The following LINGO2 variants were observed in gnomAD, a reference collection of about 807,000 sequenced individuals.
LINGO2 encodes leucine rich repeat and Ig domain containing 2, also known as leucine-rich repeat and immunoglobulin-like domain-containing nogo receptor-interacting protein 2.
LINGO2 carries 14 observed loss-of-function variants against 30.6 expected under a neutral mutation model. The observed-to-expected ratio is 0.46, with a 90% CI of 0.30 to 0.72. The LOEUF (loss-of-function observed/expected upper bound fraction) is 0.72. Among genes scored for constraint, LINGO2 ranks in the 30% least tolerant of loss-of-function variants. LINGO2 has a pLI of 0.07. For missense variants in LINGO2, 729 were observed against 751.7 expected (o/e 0.97, Z 0.35); for synonymous variants, 317 against 288.5 (o/e 1.10, Z -1.00).
chr9:28,032,537 T>G (rs948440507), intron 4 of LINGO2, among the ~76,000 whole-genome samples: 2 of 152,246 alleles, frequency 1.3e-5, no homozygotes, highest in Non-Finnish European at 2.9e-5. Flanking sequence ...CATCTCTCAG[T>G]GCCTTTGGGC....
the LINGO2 span, among the ~76,000 whole-genome samples, chr9:28,911,204 C>T: frequency 4.7e-4 from 71 of 151,980 alleles, 1 homozygote; most frequent in Middle Eastern, 6.8e-3. Context: ...AAAATGCATA[C>T]GTATTTCACA....
At chr9:28,403,472 T>A (rs973942748) in intron 2 of LINGO2, among the ~76,000 whole-genome samples, 2 of 152,146 alleles carry the variant, frequency 1.3e-5, no homozygotes, top group African/African-American at 4.8e-5. Flanking sequence ...GAAATGGTAA[T>A]GTATATCATT....
At chr9:29,150,641 C>T in the LINGO2 span, among the ~76,000 whole-genome samples, 1 of 152,094 alleles carries the variant, frequency 6.6e-6, no homozygotes, top group Non-Finnish European at 1.5e-5. Context: ...AATATCAACA[C>T]CAGAACAGAC....
chr9:29,194,367 T>C, the LINGO2 span, among the ~76,000 whole-genome samples: 1 of 152,180 alleles, frequency 6.6e-6, no homozygotes, highest in Non-Finnish European at 1.5e-5. Flanking sequence ...CTGCTATATA[T>C]AGACTCTCAT....
intron 5 of LINGO2, among the ~76,000 whole-genome samples, chr9:27,995,869 T>C (rs1197643797): frequency 1.3e-5 from 2 of 152,110 alleles, no homozygotes; most frequent in African/African-American, 4.8e-5. Context: ...GCAAAAGCAA[T>C]TATACAGCAG....
At chr9:28,488,379 T>G (rs1826257058) in intron 1 of LINGO2, among the ~76,000 whole-genome samples, 1 of 152,240 alleles carries the variant, frequency 6.6e-6, no homozygotes, top group African/African-American at 2.4e-5. Context: ...TATTACTTAC[T>G]AATTAAATTA....
At chr9:28,998,485 T>C in the LINGO2 span, among the ~76,000 whole-genome samples, 3 of 152,044 alleles carry the variant, frequency 2.0e-5, no homozygotes, top group Non-Finnish European at 2.9e-5. Flanking sequence ...TTCCCCCTCA[T>C]AGAACACAAA....
chr9:28,550,757 C>G (rs1441140783), intron 1 of LINGO2, among the ~76,000 whole-genome samples: 1 of 151,624 alleles, frequency 6.6e-6, no homozygotes, highest in Non-Finnish European at 1.5e-5. Context: ...TGAACTAAAG[C>G]TACATGCATC....
At chr9:28,736,094 T>C in the LINGO2 span, among the ~76,000 whole-genome samples, 2 of 152,108 alleles carry the variant, frequency 1.3e-5, no homozygotes, top group African/African-American at 2.4e-5. Context: ...GATAACTAGG[T>C]TATTCTAGCT....
At chr9:28,651,473 C>G (rs995169706) in intron 1 of LINGO2, among the ~76,000 whole-genome samples, 1 of 152,030 alleles carries the variant, frequency 6.6e-6, no homozygotes, top group Non-Finnish European at 1.5e-5. Context: ...ACACTGCTCC[C>G]CAATGCAAGA....
intron 1 of LINGO2, among the ~76,000 whole-genome samples, chr9:28,550,955 T>G (rs1262074460): frequency 6.6e-6 from 1 of 151,806 alleles, no homozygotes; most frequent in African/African-American, 2.4e-5. Flanking sequence ...TAGTTACTTA[T>G]GAGAGAAAGA....
chr9:28,970,113 G>A, the LINGO2 span, among the ~76,000 whole-genome samples: 1 of 152,086 alleles, frequency 6.6e-6, no homozygotes, highest in South Asian at 2.1e-4. Flanking sequence ...GAATAATAGT[G>A]AAGAGAAGAG....
chr9:28,883,664 A>G, the LINGO2 span, among the ~76,000 whole-genome samples: 33 of 126,160 alleles, frequency 2.6e-4, no homozygotes, highest in Non-Finnish European at 5.2e-4. Flanking sequence ...ATATATATAT[A>G]TATATTTGGT....
At chr9:28,614,722 T>C (rs1761305196) in intron 1 of LINGO2, among the ~76,000 whole-genome samples, 1 of 152,140 alleles carries the variant, frequency 6.6e-6, no homozygotes, top group African/African-American at 2.4e-5. Flanking sequence ...TAGGATATGA[T>C]AGAAATATGC....
chr9:29,176,708 G>C, the LINGO2 span, among the ~76,000 whole-genome samples: 2 of 152,304 alleles, frequency 1.3e-5, no homozygotes, highest in Admixed American at 6.5e-5. Flanking sequence ...CCTAGGCAAT[G>C]TACTAGGAAG....
chr9:29,114,559 C>A, the LINGO2 span, among the ~76,000 whole-genome samples: 8 of 122,258 alleles, frequency 6.5e-5, no homozygotes, highest in African/African-American at 2.4e-4. Context: ...CCCCTCCCCC[C>A]ACCCCATGAC....
At chr9:28,551,327 C>T (rs904527612) in intron 1 of LINGO2, among the ~76,000 whole-genome samples, 5 of 151,604 alleles carry the variant, frequency 3.3e-5, no homozygotes, top group East Asian at 1.9e-4. Context: ...CCATCAATCT[C>T]TCTGTGAAAT....
At chr9:28,669,203 T>C (rs1158046791) in intron 1 of LINGO2, among the ~76,000 whole-genome samples, 1 of 152,160 alleles carries the variant, frequency 6.6e-6, no homozygotes, top group African/African-American at 2.4e-5. Flanking sequence ...TCACCATTCC[T>C]ACCTGGGTAA....
At chr9:27,949,375 T>G (rs774449926) in exon 6 of LINGO2, 7 of 1,614,028 alleles carry the variant, frequency 4.3e-6, no homozygotes, top group Non-Finnish European at 5.9e-6. Context: ...CCATCTGCAC[T>G]GCATTCTAGC....
Sources: allele counts gnomAD v4.1 joint callset (sites outside exome capture counted in the v4.1 genomes callset), GRCh38; gene constraint gnomAD v4.1.1; transcripts MANE v1.5; gene names NCBI Gene and HGNC (gene_info 2026-07-23, HGNC 2026-07-21).